The following POU3F3 variants were observed in gnomAD, a reference collection of about 807,000 sequenced individuals.
The protein encoded by POU3F3 is POU domain, class 3, transcription factor 3.
POU3F3 carries 1 observed loss-of-function variant against 8.6 expected under a neutral mutation model. The ratio of observed to expected loss-of-function variants is 0.12; its 90% CI spans 0.04 to 0.55. The LOEUF (loss-of-function observed/expected upper bound fraction) is 0.55, where lower values mean the gene tolerates loss of function less well. POU3F3 is among the 20% of genes least tolerant of loss of function. The probability of loss-of-function intolerance (pLI) is 0.91; values close to 1 mark genes in which losing one functional copy is unlikely to be tolerated. For synonymous variants in POU3F3, 418 were observed against 327.4 expected, an observed-to-expected ratio of 1.28 and a Z score of -2.99; for missense variants, 577 against 690.7, an observed-to-expected ratio of 0.84 and a Z score of 1.84.
the POU3F3 span, among the ~76,000 whole-genome samples, chr2:104,881,185 G>A: frequency 9.6e-6 from 1 of 104,626 alleles, no homozygotes; most frequent in Non-Finnish European, 2.1e-5. Flanking sequence ...GAGAGATAAG[G>A]TCTCTCTCTG....
At chr2:104,870,789 A>G in the POU3F3 span, among the ~76,000 whole-genome samples, 1 of 152,144 alleles carries the variant, frequency 6.6e-6, no homozygotes, top group East Asian at 1.9e-4. Flanking sequence ...ATGAACAGGG[A>G]CTTCCATTTG....
At chr2:104,904,232 G>T in the POU3F3 span, among the ~76,000 whole-genome samples, 51 of 152,132 alleles carry the variant, frequency 3.4e-4, no homozygotes, top group African/African-American at 9.4e-4. Context: ...ACGGTTGGAG[G>T]GTCAACTACT....
the POU3F3 span, chr2:104,865,646 A>G: frequency 6.6e-6 from 1 of 152,102 alleles, no homozygotes; most frequent in Non-Finnish European, 1.5e-5. Flanking sequence ...ATTTCAAAGA[A>G]TTTTCCTTGA....
At position 104,855,310 on chromosome 2, in the gene POU3F3, CGGCGGGGGCGGA is replaced by C. The variant is rs1676528216; in HGVS notation, c.-195_-184del. Among the ~76,000 whole-genome samples, 1 of 144,138 alleles carries C rather than the reference CGGCGGGGGCGGA, an allele frequency of 6.9e-6. No individual in the cohort carries two copies. The highest frequency in any genetic ancestry group is 1.5e-5 in the Non-Finnish European group (1 of 65,232). The allele number at this position is 144,138 out of a possible 152,430, so 94.6% of individuals were successfully genotyped here. A position where few individuals can be genotyped will look rare whatever the true frequency, so the allele number is the denominator to read the frequency against. The stretch of plus-strand genomic sequence containing the variant: ...CCGGGGGCCGCGGCGGCGGCGGCGG[CGGCGGGGGCGGA>C]GGCGGCGGCGGAGGAGGAGGCGGCG... On this transcript the variant is annotated 5_prime_UTR_variant, in exon 1 of 1. Transcript: ENST00000361360.
At chr2:104,924,644 GT>G in the POU3F3 span, among the ~76,000 whole-genome samples, 9 of 152,128 alleles carry the variant, frequency 5.9e-5, no homozygotes, top group Non-Finnish European at 1.2e-4. Flanking sequence ...AACCAAAATG[GT>G]TTTCGAATTC....
At chr2:104,924,585 AT>A in the POU3F3 span, among the ~76,000 whole-genome samples, 1 of 152,218 alleles carries the variant, frequency 6.6e-6, no homozygotes, top group African/African-American at 2.4e-5. Context: ...TATTAACAGG[AT>A]TTTCAACACT....
the POU3F3 span, among the ~76,000 whole-genome samples, chr2:104,868,945 G>A: frequency 1.3e-5 from 2 of 152,196 alleles, no homozygotes; most frequent in Non-Finnish European, 2.9e-5. Context: ...TGAGGGTGGG[G>A]CAGGGAGACT....
At chr2:104,907,621 T>A in the POU3F3 span, among the ~76,000 whole-genome samples, 1 of 152,206 alleles carries the variant, frequency 6.6e-6, no homozygotes, top group Non-Finnish European at 1.5e-5. Flanking sequence ...TATTATTATT[T>A]TTTGAAGTAG....
the POU3F3 span, among the ~76,000 whole-genome samples, chr2:104,921,916 G>C: frequency 1.4e-4 from 21 of 152,292 alleles, no homozygotes; most frequent in Admixed American, 9.1e-4. Context: ...AGAATCACTG[G>C]AACCCAGGAG....
chr2:104,888,094 T>C, the POU3F3 span, among the ~76,000 whole-genome samples: 49 of 152,332 alleles, frequency 3.2e-4, no homozygotes, highest in South Asian at 6.2e-4. Flanking sequence ...CCATTTCAGA[T>C]ATAATGCGCC....
At chr2:104,892,250 C>T in the POU3F3 span, among the ~76,000 whole-genome samples, 6 of 152,162 alleles carry the variant, frequency 3.9e-5, no homozygotes, top group Non-Finnish European at 8.8e-5. Context: ...ACAGAGAGAG[C>T]AAGAGCATGG....
chr2:104,903,891 T>TA, the POU3F3 span, among the ~76,000 whole-genome samples: 2 of 152,222 alleles, frequency 1.3e-5, no homozygotes, highest in Non-Finnish European at 2.9e-5. Context: ...CTTTGATAGT[T>TA]ACTCAAGTTG....
At chr2:104,883,657 G>A in the POU3F3 span, among the ~76,000 whole-genome samples, 1 of 152,304 alleles carries the variant, frequency 6.6e-6, no homozygotes, top group East Asian at 1.9e-4. Context: ...GTACAGAGGG[G>A]AAAACATATT....
chr2:104,889,961 T>A, the POU3F3 span, among the ~76,000 whole-genome samples: 2 of 152,118 alleles, frequency 1.3e-5, no homozygotes, highest in Non-Finnish European at 2.9e-5. Context: ...AGGAACAAAT[T>A]GAACCTGGGT....
the POU3F3 span, among the ~76,000 whole-genome samples, chr2:104,900,318 T>C: frequency 2.0e-5 from 3 of 152,158 alleles, no homozygotes; most frequent in African/African-American, 4.8e-5. Flanking sequence ...GTCCTTCCAC[T>C]GCACAGCTAC....
rs1275928350 is a variant in POU3F3, at chr2:104,857,051, CG to C, written c.*39del. 8 of 1,394,106 alleles carry C rather than the reference CG, an allele frequency of 5.7e-6. No homozygotes were observed. The highest frequency in any genetic ancestry group is 7.5e-6 in the Non-Finnish European group (8 of 1,066,750). 86.4% of individuals were successfully genotyped at this position (1,394,106 alleles called of 1,614,324 possible). On this transcript the variant is annotated 3_prime_UTR_variant, in exon 1 of 1. Coordinates refer to ENST00000361360, the MANE Select transcript of POU3F3 (RefSeq NM_006236.3). Reference sequence around the variant, plus strand: ...GAGCGAAGAGGGCCGCCGCCGCCGCCGCCTCCGCAGCCGCCGTCAGCACCGC... The same window carrying C: ...GAGCGAAGAGGGCCGCCGCCGCCGCCCCTCCGCAGCCGCCGTCAGCACCGC...
rs1676507021 is a variant in POU3F3 at position 104,854,450 on chromosome 2, A to C, written c.-1061A>C. Among the ~76,000 whole-genome samples, 1 of 152,232 alleles carries C rather than the reference A, an allele frequency of 6.6e-6. No homozygotes were observed. The highest frequency in any genetic ancestry group is 1.5e-5 in the Non-Finnish European group (1 of 68,044). On this transcript the variant is annotated 5_prime_UTR_variant, in exon 1 of 1. Transcript: ENST00000361360. This position sits in a 1 kb window ranked among gnomAD's most constrained non-coding sequence, Gnocchi z 4.5. ...TCCTTCTCCAGACAACTGCTGGGAA[A>C]AAAATAAAACACCAACCCCAACCGT...
chr2:104,916,006 A>G, the POU3F3 span, among the ~76,000 whole-genome samples: 1 of 142,634 alleles, frequency 7.0e-6, no homozygotes, highest in African/African-American at 2.6e-5. Context: ...ACCTCCAGCA[A>G]GGGTGGCCCC....
the POU3F3 span, among the ~76,000 whole-genome samples, chr2:104,868,709 G>C: frequency 3.3e-5 from 5 of 152,264 alleles, no homozygotes; most frequent in South Asian, 8.3e-4. Context: ...GGCGGGTCTG[G>C]TTTGGGCAGA....
Sources: gnomAD v4.1 joint callset for allele counts (sites outside exome capture counted in the v4.1 genomes callset) on GRCh38, gnomAD v4.1.1 for gene constraint, Gnocchi (gnomAD v3.1) non-coding constraint, MANE v1.5 for transcripts, NCBI Gene and HGNC (gene_info 2026-07-23, HGNC 2026-07-21) for gene names.